DNAJB12: variants seen among roughly 807,000 people sequenced by gnomAD.
DNAJB12 encodes DnaJ heat shock protein family (Hsp40) member B12.
A neutral mutation model predicts 40.6 loss-of-function variants in DNAJB12; 14 were observed. The ratio of observed to expected loss-of-function variants is 0.34; its 90% CI spans 0.23 to 0.54. The LOEUF is 0.54. Ranked by LOEUF, DNAJB12 falls within the 20% of genes least tolerant of loss-of-function variation. DNAJB12 has a pLI of 0.92. For missense variants in DNAJB12, 444 were observed against 501.7 expected (o/e 0.89, Z 1.10); for synonymous variants, 181 against 199.5 (o/e 0.91, Z 0.78).
chr10:72,354,690 TGCTCCCGTCGGTCC>T, intron 1 of DNAJB12, 61 bp downstream of exon 1: 1 of 1,134,916 alleles, frequency 8.8e-7, no homozygotes, highest in South Asian at 1.4e-5. Flanking sequence ...CTCCCCCAAC[TGCTCCCGTCGGTCC>T]GTTCCCGTGT....
At chr10:72,340,322 G>A (rs1240936349) in intron 5 of DNAJB12, among the ~76,000 whole-genome samples, 5 of 151,760 alleles carry the variant, frequency 3.3e-5, no homozygotes, top group Non-Finnish European at 7.4e-5. Context: ...CAGCCTGGGC[G>A]AGAGAGCAAG....
At chr10:72,341,818 GA>G (rs1564820165) in intron 3 of DNAJB12, among the ~76,000 whole-genome samples, 1 of 152,174 alleles carries the variant, frequency 6.6e-6, no homozygotes, top group Non-Finnish European at 1.5e-5. Context: ...TCACCAATGA[GA>G]AAACTGAGGC....
chr10:72,348,106 C>G (rs1013767673), intron 1 of DNAJB12, among the ~76,000 whole-genome samples: 1 of 151,966 alleles, frequency 6.6e-6, no homozygotes, highest in Non-Finnish European at 1.5e-5. Context: ...GCCTGTAATC[C>G]CAGCTACTCG....
chr10:72,340,974 G>A lies in DNAJB12; in HGVS notation c.643+11C>T. The A allele has an allele frequency of 6.2e-7, 1 of 1,612,398 alleles. No individual in the cohort carries two copies. Among genetic ancestry groups the A allele is most frequent in the Non-Finnish European group, 8.5e-7 (1 of 1,179,116 alleles). On this transcript the variant is annotated intron_variant, in intron 4 of 8. Transcript: ENST00000444643. The stretch of plus-strand genomic sequence containing the variant: ...AGGGATACCTGGCTGTGGGGAGGGT[G>A]GGGAACTTACTAGAAGGGAAGCCGC...
rs41282264 is a variant in DNAJB12 at position 72,336,627 on chromosome 10, G to A, written c.903C>T (p.Phe301=). ...LGVVYYVGDT[F]SEEYTGSSLK... is the part of the protein sequence containing the mutation. The stretch of plus-strand genomic sequence containing the variant: ...GGCTGGAGCCTGTGTACTCTTCGGA[G>A]AAAGTGTCTCCCACATAGTAGACGA... The change falls in exon 7 of 9, where the codon TTC becomes TTT. Residue 301 remains phenylalanine, a synonymous_variant. Coordinates refer to ENST00000444643, the MANE Select transcript of DNAJB12 (RefSeq NM_017626.7). The A allele has an allele frequency of 0.016, 26,505 of 1,614,142 alleles. 275 individuals are homozygous for A. Among genetic ancestry groups the A allele is most frequent in the Non-Finnish European group, 0.019 (22,004 of 1,179,986 alleles).
At chr10:72,345,220 C>T in intron 1 of DNAJB12, 93 bp from the exon 2 acceptor site, 5 of 1,459,184 alleles carry the variant, frequency 3.4e-6, no homozygotes, top group Non-Finnish European at 4.6e-6. Context: ...CTTCCCCTCC[C>T]AGCAAAGCCA....
chr10:72,345,475 G>A (rs1381841544), intron 1 of DNAJB12, among the ~76,000 whole-genome samples: 3 of 151,054 alleles, frequency 2.0e-5, no homozygotes, highest in East Asian at 1.9e-4. Flanking sequence ...GGTGGCGGGC[G>A]CCTGTAATTC....
chr10:72,347,903 A>T (rs1023886170), intron 1 of DNAJB12, among the ~76,000 whole-genome samples: 4 of 149,914 alleles, frequency 2.7e-5, no homozygotes, highest in Non-Finnish European at 4.4e-5. Context: ...ATAGAATGAG[A>T]CTCTGTCTCA....
Position 72,335,654 on chromosome 10 carries a change from C to A in DNAJB12, c.*30+126G>T, listed in dbSNP as rs1488229822. ...TGCTCGGTCTCTGGAGGCTGGAGGT[C>A]AGGCTGGGGACAGGAGTCTTTGCCA... On this transcript the variant is annotated intron_variant, in intron 8 of 8. Transcript: ENST00000444643. The surrounding 1 kb of genome is among the most constrained non-coding windows in gnomAD (Gnocchi z 4.4). The A allele has an allele frequency of 2.8e-6, 4 of 1,436,504 alleles. No homozygotes were observed. The highest frequency in any genetic ancestry group is 3.6e-6 in the Non-Finnish European group (4 of 1,097,040). The allele number at this position is 1,436,504 out of a possible 1,614,324, so 89.0% of individuals were successfully genotyped here.
chr10:72,340,265 A>G (rs1271152938), intron 5 of DNAJB12, among the ~76,000 whole-genome samples: 1 of 151,372 alleles, frequency 6.6e-6, no homozygotes, highest in Non-Finnish European at 1.5e-5. Flanking sequence ...AATGGCTTGA[A>G]CCCGGGAGGC....
At chr10:72,345,666 AG>A (rs1268618530) in intron 1 of DNAJB12, among the ~76,000 whole-genome samples, 1 of 151,182 alleles carries the variant, frequency 6.6e-6, no homozygotes, top group Admixed American at 6.6e-5. Context: ...TGAGATCAGG[AG>A]TTTGTGACCA....
intron 6 of DNAJB12, among the ~76,000 whole-genome samples, chr10:72,337,415 A>T (rs1420958582): frequency 6.6e-6 from 1 of 152,120 alleles, no homozygotes; most frequent in Non-Finnish European, 1.5e-5. Context: ...CCCACTGAAG[A>T]TGTGCACCCA....
chr10:72,350,898 G>A (rs754920102), intron 1 of DNAJB12, among the ~76,000 whole-genome samples: 12 of 152,118 alleles, frequency 7.9e-5, no homozygotes, highest in South Asian at 2.1e-4. Flanking sequence ...ACCCCACCCC[G>A]GACCTCGCCA....
At chr10:72,337,785 G>GA (rs1861518073) in intron 6 of DNAJB12, among the ~76,000 whole-genome samples, 1 of 152,178 alleles carries the variant, frequency 6.6e-6, no homozygotes, top group Admixed American at 6.5e-5. Context: ...GAGGAGCAGA[G>GA]GTTCTTCGTC....
chr10:72,340,743 G>T, intron 5 of DNAJB12, 46 bp downstream of exon 5: 1 of 1,591,440 alleles, frequency 6.3e-7, no homozygotes. Flanking sequence ...CCCTGGGGTG[G>T]ATTTGGTGCC....
chr10:72,335,448 A>T lies in DNAJB12; in HGVS notation c.*30+332T>A. The stretch of plus-strand genomic sequence containing the variant: ...CTGTGCTGGAGAAAGGGCCGTGCTG[A>T]CTGATGGCTGGAGTGGACCAAGAAG... On this transcript the variant is annotated intron_variant, in intron 8 of 8. Coordinates refer to ENST00000444643, the MANE Select transcript of DNAJB12 (RefSeq NM_017626.7). This position sits in a 1 kb window ranked among gnomAD's most constrained non-coding sequence, Gnocchi z 4.4. 4 of 1,095,454 alleles carry T rather than the reference A, an allele frequency of 3.7e-6. No individual in the cohort carries two copies. The South Asian group carries it at 1.0e-4, about 28-fold the overall frequency. The allele number at this position is 1,095,454 out of a possible 1,614,324, so 67.9% of individuals were successfully genotyped here.
In DNAJB12 at chr10:72,335,302, C is replaced by T. The variant is rs1258895245; in HGVS notation, c.*30+478G>A. On this transcript the variant is annotated intron_variant, in intron 8 of 8. Coordinates refer to ENST00000444643, the MANE Select transcript of DNAJB12 (RefSeq NM_017626.7). The surrounding 1 kb of genome is among the most constrained non-coding windows in gnomAD (Gnocchi z 4.4). Reference sequence around the variant, plus strand: ...CTGGAGGGATGGAGAAAGGGGAGGGCTCTTGGCCCACCTATTCCCACATGG... The same window carrying T: ...CTGGAGGGATGGAGAAAGGGGAGGGTTCTTGGCCCACCTATTCCCACATGG... 1.0e-6 allele frequency: 1 copy of T among 988,090 alleles called. No individual in the cohort carries two copies. Among genetic ancestry groups the T allele is most frequent in the Non-Finnish European group, 1.2e-6 (1 of 831,490 alleles). 61.2% of individuals were successfully genotyped at this position (988,090 alleles called of 1,614,324 possible).
chr10:72,341,122 T>C lies in DNAJB12; in HGVS notation c.506A>G (p.Gln169Arg), dbSNP rs1320462133. 1 of 1,613,944 alleles carries C rather than the reference T, an allele frequency of 6.2e-7. No homozygotes were observed. Among genetic ancestry groups the C allele is most frequent in the Non-Finnish European group, 8.5e-7 (1 of 1,179,928 alleles). ...CTTGTCATCGCCGAACTGGTCATAC[T>C]GCTTCCTCTTCTCCGGGTTGCTGAG... ...AVLSNPEKRKQYDQFGDDKSQ... is the reference protein window; with the variant it reads ...AVLSNPEKRKRYDQFGDDKSQ... The change falls in exon 4 of 9, where the codon CAG becomes CGG. Residue 169 changes from glutamine to arginine, a missense_variant. Gln to Arg is a conservative substitution (Grantham distance 43, BLOSUM62 1). Coordinates refer to ENST00000444643, the MANE Select transcript of DNAJB12 (RefSeq NM_017626.7).
At position 72,349,214 on chromosome 10, in the gene DNAJB12, G is replaced by A. The variant is rs189721619; in HGVS notation, c.134-4087C>T. Among the ~76,000 whole-genome samples, 28 of 152,264 alleles carry A rather than the reference G, an allele frequency of 1.8e-4. 1 individual carries two copies. The East Asian group carries it at 5.0e-3, about 27-fold the overall frequency. On this transcript the variant is annotated intron_variant, in intron 1 of 8. Transcript: ENST00000444643. ...GTCACGGTGGCGGAGGATGAAATGG[G>A]ATAATGTGTGTAAGCACCTGTGCCG...
Sources: gnomAD v4.1 joint callset for allele counts (sites outside exome capture counted in the v4.1 genomes callset) on GRCh38, gnomAD v4.1.1 for gene constraint, Gnocchi (gnomAD v3.1) non-coding constraint, MANE v1.5 for transcripts, NCBI Gene and HGNC (gene_info 2026-07-23, HGNC 2026-07-21) for gene names.